The following ACSM3 variants were observed in gnomAD, a reference collection of about 807,000 sequenced individuals.
The protein encoded by ACSM3 is acyl-coenzyme A synthetase ACSM3, mitochondrial.
A neutral mutation model predicts 74.1 loss-of-function variants in ACSM3; 61 were observed. That is an observed-to-expected ratio of 0.82 (90% CI 0.67 to 1.02). The LOEUF (loss-of-function observed/expected upper bound fraction) is 1.02. ACSM3 is among the 50% of genes least tolerant of loss of function. The pLI, the probability that ACSM3 is intolerant of heterozygous loss-of-function variation, is 0.00. For missense variants in ACSM3, 660 were observed against 697.0 expected, an observed-to-expected ratio of 0.95 and a Z score of 0.60; for synonymous variants, 213 against 241.5, an observed-to-expected ratio of 0.88 and a Z score of 1.09.
At chr16:20,792,396 A>G in intron 12 of ACSM3, 61 bp downstream of exon 12, 1 of 1,596,650 alleles carries the variant, frequency 6.3e-7, no homozygotes, top group Non-Finnish European at 8.6e-7. Flanking sequence ...ATACTTACAA[A>G]CAGTAGCTCA....
At chr16:20,739,320 C>T (rs145692147) in intron 1 of ACSM3, among the ~76,000 whole-genome samples, 2 of 151,822 alleles carry the variant, frequency 1.3e-5, no homozygotes, top group African/African-American at 2.4e-5. Context: ...TGATTACAGG[C>T]GCATGCCACT....
Position 20,792,331 on chromosome 16 carries a change from G to C in ACSM3, c.1550G>C (p.Gly517Ala), listed in dbSNP as rs1483775899. The C allele has an allele frequency of 6.2e-7, 1 of 1,613,844 alleles. No individual in the cohort carries two copies. The highest frequency in any genetic ancestry group is 1.3e-5 in the African/African-American group (1 of 74,900). ...GTCAGCAGCCCAGACCCCATCAGAGGAGAGGTAAAAGAACTGATTCATGTC... is the reference window on the plus strand; with the variant it reads ...GTCAGCAGCCCAGACCCCATCAGAGCAGAGGTAAAAGAACTGATTCATGTC... ...AVVSSPDPIR[G>A]EVVKAFVVLN... The change falls in exon 12 of 14, where the codon GGA becomes GCA. Residue 517 changes from glycine to alanine, a missense_variant. Physicochemically the swap from Gly to Ala is moderately conservative, Grantham distance 60 (BLOSUM62 0). Coordinates refer to ENST00000289416, the MANE Select transcript of ACSM3 (RefSeq NM_005622.4).
chr16:20,685,670 A>C (rs1284249150), intron 1 of ACSM3, among the ~76,000 whole-genome samples: 1 of 151,828 alleles, frequency 6.6e-6, no homozygotes, highest in Non-Finnish European at 1.5e-5. Flanking sequence ...AAATTTAAAA[A>C]TTAGCTGGGC....
At chr16:20,780,542 C>T in intron 4 of ACSM3, 172 bp from the exon 5 acceptor site, 1 of 1,354,212 alleles carries the variant, frequency 7.4e-7, no homozygotes, top group Admixed American at 2.2e-5. Flanking sequence ...TTCTAGAAAG[C>T]ACCTAAAAGG....
At chr16:20,728,729 G>T (rs2079815608) in intron 1 of ACSM3, among the ~76,000 whole-genome samples, 1 of 151,780 alleles carries the variant, frequency 6.6e-6, no homozygotes, top group African/African-American at 2.4e-5. Flanking sequence ...GGGTGCAGTT[G>T]GGGGGTGCTA....
At chr16:20,763,147 T>A (rs1328738984), upstream of ACSM3, among the ~76,000 whole-genome samples, 1 of 152,186 alleles carries the variant, frequency 6.6e-6, no homozygotes, top group Non-Finnish European at 1.5e-5. Context: ...CATCAACTAT[T>A]TATTGAATGC....
chr16:20,702,963 T>G (rs1332727424), intron 1 of ACSM3: 1 of 152,256 alleles, frequency 6.6e-6, no homozygotes, highest in Admixed American at 6.5e-5. Context: ...ATTTAGGTCT[T>G]TAATCCATCT....
chr16:20,694,916 C>A (rs1018051233), intron 1 of ACSM3, among the ~76,000 whole-genome samples: 5 of 152,074 alleles, frequency 3.3e-5, no homozygotes, highest in African/African-American at 1.2e-4. Flanking sequence ...ATGAAGATAG[C>A]CAAGGAAAAA....
intron 2 of ACSM3, among the ~76,000 whole-genome samples, chr16:20,773,948 G>T (rs1221896610): frequency 2.0e-5 from 3 of 152,198 alleles, no homozygotes; most frequent in Non-Finnish European, 2.9e-5. Context: ...GTCTAATGCT[G>T]AGGGTAGAGT....
chr16:20,737,240 A>G (rs377748980), intron 1 of ACSM3: 1 of 1,614,050 alleles, frequency 6.2e-7, no homozygotes, highest in Admixed American at 1.7e-5. Flanking sequence ...TGTACTGTGG[A>G]TTGGTGAGAT....
At chr16:20,688,162 T>A (rs2079587847) in intron 1 of ACSM3, among the ~76,000 whole-genome samples, 1 of 151,494 alleles carries the variant, frequency 6.6e-6, no homozygotes, top group African/African-American at 2.4e-5. Context: ...GTAACTAAAT[T>A]GAAAATTCAC....
intron 12 of ACSM3, 77 bp from the exon 13 acceptor site, chr16:20,796,293 C>A: frequency 6.4e-7 from 1 of 1,556,760 alleles, no homozygotes. Context: ...TGTAGATTCT[C>A]AGAGCAAGCA....
chr16:20,751,532 C>A (rs563376267), intron 2 of ACSM3, among the ~76,000 whole-genome samples: 8 of 152,276 alleles, frequency 5.3e-5, no homozygotes, highest in African/African-American at 1.7e-4. Context: ...ATTCCAGGTG[C>A]CTTTTTTCCC....
In ACSM3 at chr16:20,796,986, A is replaced by C; in HGVS notation, c.*14A>C. 6.2e-7 allele frequency: 1 copy of C among 1,610,038 alleles called. No individual in the cohort carries two copies. Among genetic ancestry groups the C allele is most frequent in the African/African-American group, 1.3e-5 (1 of 74,834 alleles). On this transcript the variant is annotated 3_prime_UTR_variant, in exon 14 of 14. Coordinates refer to ENST00000289416, the MANE Select transcript of ACSM3 (RefSeq NM_005622.4). ...AAGACAATTTAAAGTTGTTTCATTA[A>C]TTACCATATCTATAAAACAAACATA...
chr16:20,717,110 G>A (rs557266975), intron 1 of ACSM3, among the ~76,000 whole-genome samples: 1 of 152,262 alleles, frequency 6.6e-6, no homozygotes, highest in South Asian at 2.1e-4. Context: ...TGCTACCCTT[G>A]GTATGAACCC....
rs371659980 is a variant in ACSM3 at position 20,777,583 on chromosome 16, G to A, written c.638+3G>A. 1.4e-3 allele frequency: 2,296 copies of A among 1,611,226 alleles called. 47 individuals carry two copies. In the South Asian group the frequency reaches 0.024, roughly 17 times the overall value. Reference sequence around the variant, plus strand: ...GGGAACCTCAAGGAGTTGATGAAGTGAGTAGCCACACTTGTTGTAAAACAG... The same window carrying A: ...GGGAACCTCAAGGAGTTGATGAAGTAAGTAGCCACACTTGTTGTAAAACAG... On this transcript the variant is annotated splice_donor_region_variant and intron_variant, in intron 4 of 13. Transcript: ENST00000289416.
chr16:20,755,673 T>G (rs1262696888), intron 3 of ACSM3: 3 of 149,184 alleles, frequency 2.0e-5, no homozygotes, highest in African/African-American at 7.6e-5. Flanking sequence ...TTAGGGTACA[T>G]GTGCACAATG....
intron 1 of ACSM3, among the ~76,000 whole-genome samples, chr16:20,717,954 G>GA (rs1420253919): frequency 3.3e-4 from 34 of 103,400 alleles, no homozygotes; most frequent in Middle Eastern, 4.1e-3. Context: ...GGAAGAGGAA[G>GA]AGGAAGAAGA....
At chr16:20,789,537 A>G in intron 9 of ACSM3, 2 of 1,613,532 alleles carry the variant, frequency 1.2e-6, no homozygotes, top group South Asian at 1.1e-5. Flanking sequence ...CTTCTGAAGT[A>G]AGGTTCTGTA....
Sources: gnomAD v4.1 joint callset for allele counts (sites outside exome capture counted in the v4.1 genomes callset) on GRCh38, gnomAD v4.1.1 for gene constraint, MANE v1.5 for transcripts, NCBI Gene and HGNC (gene_info 2026-07-23, HGNC 2026-07-21) for gene names.